KRT33A: variants seen among roughly 807,000 people sequenced by gnomAD.
The protein encoded by KRT33A is keratin, type I cuticular Ha3-I.
KRT33A carries 44 observed loss-of-function variants against 41.1 expected under a neutral mutation model. The ratio of observed to expected loss-of-function variants is 1.07; its 90% CI spans 0.84 to 1.38. KRT33A has a LOEUF of 1.38. Ranked by LOEUF, KRT33A falls within the 40% of genes most tolerant of loss-of-function variation. The pLI is 0.00. For synonymous variants in KRT33A, 229 were observed against 227.8 expected, an observed-to-expected ratio of 1.01 and a Z score of -0.05; for missense variants, 536 against 518.5, an observed-to-expected ratio of 1.03 and a Z score of -0.33.
chr17:41,346,449 T>C lies in KRT33A; in HGVS notation c.1096A>G (p.Lys366Glu). 1 of 1,613,998 alleles carries C rather than the reference T, an allele frequency of 6.2e-7. No individual in the cohort carries two copies. The highest frequency in any genetic ancestry group is 1.1e-5 in the South Asian group (1 of 91,074). ...YRSLLESEDCKLPSNPCATTN... is the reference protein window; with the variant it reads ...YRSLLESEDCELPSNPCATTN... The stretch of plus-strand genomic sequence containing the variant: ...GAAGATTACTACCCCCATACTGACT[T>C]GCAGTCCTCGCTCTCCAGCAGGCTC... Residue 366 changes from lysine (K) to glutamate (E), a missense_variant and splice_region_variant, in exon 6 of 7, where the codon AAG becomes GAG. Transcript: ENST00000007735.
Position 41,346,181 on chromosome 17 carries a change from A to G in KRT33A, c.1153T>C (p.Cys385Arg), listed in dbSNP as rs1567664072. The G allele has an allele frequency of 2.5e-6, 4 of 1,614,014 alleles. No individual in the cohort carries two copies. The highest frequency in any genetic ancestry group is 3.4e-6 in the Non-Finnish European group (4 of 1,180,008). ...TNACDKSTGP[C>R]ISNPCGLRAR... Reference sequence around the variant, plus strand: ...CGTAGGCCACAGGGATTAGAGATACAGGGCCCAGTGGACTTGTCACATGCA... The same window carrying G: ...CGTAGGCCACAGGGATTAGAGATACGGGGCCCAGTGGACTTGTCACATGCA... The change falls in exon 7 of 7, where the codon TGT becomes CGT. Residue 385 changes from cysteine (C) to arginine (R), a missense_variant. Physicochemically the swap from Cys to Arg is radical, Grantham distance 180. Coordinates refer to ENST00000007735, the MANE Select transcript of KRT33A (RefSeq NM_004138.4).
chr17:41,350,100 G>A (rs1342792796), intron 1 of KRT33A, among the ~76,000 whole-genome samples: 1 of 152,176 alleles, frequency 6.6e-6, no homozygotes, highest in Non-Finnish European at 1.5e-5. Context: ...CGTTTCCCCA[G>A]CTTCCTTTGG....
Position 41,348,538 on chromosome 17 carries a change from G to A in KRT33A, c.533C>T (p.Ala178Val), listed in dbSNP as rs751294091. The change falls in exon 3 of 7, where the codon GCC becomes GTC. Residue 178 changes from alanine to valine, a missense_variant. Ala to Val is a moderately conservative substitution (Grantham distance 64, BLOSUM62 0). Coordinates refer to ENST00000007735, the MANE Select transcript of KRT33A (RefSeq NM_004138.4). ...ELTLCRSDLE[A>V]QVESLKEELL... The stretch of plus-strand genomic sequence containing the variant: ...CTCCTCCTTCAGGGACTCCACCTGG[G>A]CCTCCAGGTCAGACCTGCACAGGGT... The A allele has an allele frequency of 3.1e-6, 5 of 1,613,818 alleles. No homozygotes were observed. The South Asian group carries it at 3.3e-5, about 11-fold the overall frequency.
chr17:41,347,144 G>T lies in KRT33A; in HGVS notation c.667C>A (p.Gln223Lys). ...TGACTCCTGGTCTCATTCAGGACCT[G>T]GTTCAGGTCCACAGTGGGAGCAGCG... ...VDAAPTVDLN[Q>K]VLNETRSQYE... Residue 223 changes from glutamine to lysine, a missense_variant, in exon 4 of 7, where the codon CAG becomes AAG. Physicochemically the swap from Gln to Lys is moderately conservative, Grantham distance 53. Coordinates refer to ENST00000007735, the MANE Select transcript of KRT33A (RefSeq NM_004138.4). The T allele has an allele frequency of 1.9e-6, 3 of 1,614,220 alleles. No homozygotes were observed. The South Asian group carries it at 3.3e-5, about 18-fold the overall frequency.
rs116836918 is a variant in KRT33A, at chr17:41,346,290, G to T, written c.1098-54C>A. On this transcript the variant is annotated intron_variant, in intron 6 of 6. Coordinates refer to ENST00000007735, the MANE Select transcript of KRT33A (RefSeq NM_004138.4). Reference sequence around the variant, plus strand: ...TAGAGTAAAATGAGCTGAAGAGATTGGAAAATACTAAAAGGGCTTTGTGTA... The same window carrying T: ...TAGAGTAAAATGAGCTGAAGAGATTTGAAAATACTAAAAGGGCTTTGTGTA... The T allele has an allele frequency of 2.8e-3, 4,398 of 1,584,502 alleles. 104 individuals are homozygous for T. The African/African-American group carries it at 0.052, about 19-fold the overall frequency.
Position 41,349,426 on chromosome 17 carries a change from G to C in KRT33A, c.351C>G (p.Ile117Met). 6.2e-7 allele frequency: 1 copy of C among 1,614,088 alleles called. No individual in the cohort carries two copies. Among genetic ancestry groups the C allele is most frequent in the South Asian group, 1.1e-5 (1 of 91,082 alleles). Reference protein sequence around the residue: ...FKTIEELQQKILCSKSENARL... With the variant: ...FKTIEELQQKMLCSKSENARL... The stretch of plus-strand genomic sequence containing the variant: ...TGGCATTCTCAGACTTGCTGCACAG[G>C]ATCTAGAAGGCCCAAAACATTCAAG... Residue 117 changes from isoleucine to methionine, a missense_variant and splice_region_variant, in exon 2 of 7, where the codon ATC becomes ATG. By Grantham distance (10) the Ile-to-Met change is conservative. Coordinates refer to ENST00000007735, the MANE Select transcript of KRT33A (RefSeq NM_004138.4).
Position 41,346,180 on chromosome 17 carries a change from C to T in KRT33A, c.1154G>A (p.Cys385Tyr), listed in dbSNP as rs2017412147. ...TNACDKSTGPCISNPCGLRAR... is the reference protein window; with the variant it reads ...TNACDKSTGPYISNPCGLRAR... ...ACGTAGGCCACAGGGATTAGAGATA[C>T]AGGGCCCAGTGGACTTGTCACATGC... The change falls in exon 7 of 7, where the codon TGT (cysteine) becomes TAT (tyrosine). Residue 385 changes from cysteine to tyrosine, a missense_variant. Cys to Tyr is a radical substitution (Grantham distance 194, BLOSUM62 -2). Coordinates refer to ENST00000007735, the MANE Select transcript of KRT33A (RefSeq NM_004138.4). 3 of 1,614,140 alleles carry T rather than the reference C, an allele frequency of 1.9e-6. No individual in the cohort carries two copies. The highest frequency in any genetic ancestry group is 2.7e-5 in the African/African-American group (2 of 75,024).
chr17:41,349,356 A>C lies in KRT33A; in HGVS notation c.421T>G (p.Phe141Val). The C allele has an allele frequency of 6.2e-7, 1 of 1,614,156 alleles. No homozygotes were observed. The highest frequency in any genetic ancestry group is 8.5e-7 in the Non-Finnish European group (1 of 1,180,012). The change falls in exon 2 of 7, where the codon TTC becomes GTC. Residue 141 changes from phenylalanine (F) to valine (V), a missense_variant. Phe to Val is a conservative substitution (Grantham distance 50). Transcript: ENST00000007735. The part of the protein sequence containing the change: ...IDNAKLASDD[F>V]RTKYETELSL... The stretch of plus-strand genomic sequence containing the variant: ...CGCTTGCCCACTCACTTGGTCCTGA[A>C]GTCATCTGAGGCCAGCTTGGCATTG...
Position 41,348,515 on chromosome 17 carries a change from C to A in KRT33A, c.556G>T (p.Glu186Ter). Residue 186 changes from glutamate to a stop codon, truncating the protein, a stop_gained, in exon 3 of 7, where the codon GAG (glutamate) becomes TAG (stop). Coordinates refer to ENST00000007735, the MANE Select transcript of KRT33A (RefSeq NM_004138.4). LOFTEE classifies it high-confidence loss of function. ...TGGTTCTGCTTGAGGCACAGCAGCT[C>A]CTCCTTCAGGGACTCCACCTGGGCC... ...LEAQVESLKE[E>*]LLCLKQNHEQ... The A allele has an allele frequency of 6.2e-7, 1 of 1,614,068 alleles. No individual in the cohort carries two copies. The highest frequency in any genetic ancestry group is 8.5e-7 in the Non-Finnish European group (1 of 1,180,014).
At chr17:41,348,741 GT>G in intron 2 of KRT33A, 102 bp from the exon 3 acceptor site, 1 of 1,222,098 alleles carries the variant, frequency 8.2e-7, no homozygotes, top group Non-Finnish European at 1.2e-6. Context: ...AGGGTTTGTA[GT>G]TTTTATAGCC....
At position 41,346,231 on chromosome 17, in the gene KRT33A, G is replaced by T; in HGVS notation, c.1103C>A (p.Pro368His). ...SLLESEDCKL[P>H]SNPCATTNAC... ...ATTGGTTGTGGCGCAGGGGTTGGAG[G>T]GGAGCCTGTGGGCAGAAAATCATTG... Residue 368 changes from proline to histidine, a missense_variant, in exon 7 of 7, where the codon CCC becomes CAC. By Grantham distance (77) the Pro-to-His change is moderately conservative. Transcript: ENST00000007735. The T allele has an allele frequency of 6.2e-7, 1 of 1,613,882 alleles. No homozygotes were observed. The highest frequency in any genetic ancestry group is 8.5e-7 in the Non-Finnish European group (1 of 1,179,764).
chr17:41,347,707 T>C (rs536957901), intron 3 of KRT33A, among the ~76,000 whole-genome samples: 4 of 152,382 alleles, frequency 2.6e-5, no homozygotes, highest in Admixed American at 2.6e-4. Flanking sequence ...AGCATAGATT[T>C]TGCTGAAGGC....
intron 2 of KRT33A, 34 bp from the exon 3 acceptor site, chr17:41,348,673 C>G: frequency 6.2e-7 from 1 of 1,611,518 alleles, no homozygotes; most frequent in Admixed American, 1.7e-5. Context: ...ACAGGCTGGG[C>G]AGGAATAGGC....
rs2017461177 is a variant in KRT33A at position 41,348,757 on chromosome 17, C to G, written c.432-118G>C. On this transcript the variant is annotated intron_variant, in intron 2 of 6. Transcript: ENST00000007735. ...GGGTTTGTAGTTTTTATAGCCATCT[C>G]TTTTGTTTAGGTTTTCAGCATCGAG... 7.3e-6 allele frequency: 8 copies of G among 1,100,790 alleles called. No homozygotes were observed. The South Asian group carries it at 1.2e-4, about 17-fold the overall frequency. The allele number at this position is 1,100,790 out of a possible 1,614,324, so 68.2% of individuals were successfully genotyped here.
intron 3 of KRT33A, among the ~76,000 whole-genome samples, chr17:41,347,808 C>T (rs1220950654): frequency 6.6e-6 from 1 of 152,236 alleles, no homozygotes; most frequent in African/African-American, 2.4e-5. Context: ...CTCATCTCTA[C>T]CACTTAATAC....
At position 41,350,793 on chromosome 17, in the gene KRT33A, A is replaced by C; in HGVS notation, c.-26T>G. On this transcript the variant is annotated 5_prime_UTR_variant, in exon 1 of 7. Transcript: ENST00000007735. Reference sequence around the variant, plus strand: ...GGTGCAGGGAGGGAGTGTCCAGCTGAAGACAGAGTCCAAAATCTCCAGGTT... The same window carrying C: ...GGTGCAGGGAGGGAGTGTCCAGCTGCAGACAGAGTCCAAAATCTCCAGGTT... 2 of 1,590,648 alleles carry C rather than the reference A, an allele frequency of 1.3e-6. No individual in the cohort carries two copies. The highest frequency in any genetic ancestry group is 2.2e-5 in the South Asian group (2 of 88,998).
chr17:41,350,175 C>T (rs769072562), intron 1 of KRT33A, among the ~76,000 whole-genome samples: 113 of 152,158 alleles, frequency 7.4e-4, no homozygotes, highest in Non-Finnish European at 1.3e-3. Flanking sequence ...TGGAAGCATT[C>T]AGAGGTAGTT....
At position 41,346,601 on chromosome 17, in the gene KRT33A, T is replaced by C. The variant is rs1209832974; in HGVS notation, c.944A>G (p.Gln315Arg). 1 of 1,614,130 alleles carries C rather than the reference T, an allele frequency of 6.2e-7. No homozygotes were observed. Among genetic ancestry groups the C allele is most frequent in the Non-Finnish European group, 8.5e-7 (1 of 1,180,060 alleles). The part of the protein sequence containing the change: ...ARYSSQLSQV[Q>R]RLITNVESQL... Reference sequence around the variant, plus strand: ...GGACTCCACGTTGGTGATCAGTCTCTGCACCTGGGACAGCTGGGAGCTGTA... The same window carrying C: ...GGACTCCACGTTGGTGATCAGTCTCCGCACCTGGGACAGCTGGGAGCTGTA... The change falls in exon 6 of 7, where the codon CAG (glutamine) becomes CGG (arginine). Residue 315 changes from glutamine to arginine, a missense_variant. By Grantham distance (43) the Gln-to-Arg change is conservative. Coordinates refer to ENST00000007735, the MANE Select transcript of KRT33A (RefSeq NM_004138.4).
intron 3 of KRT33A, 85 bp downstream of exon 3, chr17:41,348,398 T>C (rs2017454639): frequency 7.1e-7 from 1 of 1,409,852 alleles, no homozygotes; most frequent in Non-Finnish European, 9.9e-7. Flanking sequence ...TAATTGAGCC[T>C]CTACTGACAG....
Sources: gnomAD v4.1 joint callset for allele counts (sites outside exome capture counted in the v4.1 genomes callset) on GRCh38, gnomAD v4.1.1 for gene constraint, MANE v1.5 for transcripts, NCBI Gene and HGNC (gene_info 2026-07-23, HGNC 2026-07-21) for gene names.